The following COL3A1 variants were observed in gnomAD, a reference collection of about 807,000 sequenced individuals.
The protein encoded by COL3A1 is collagen alpha-1(III) chain.
In COL3A1, 46 loss-of-function variants were observed where a neutral mutation model predicts 200.9. That is an observed-to-expected ratio of 0.23 (90% CI 0.18 to 0.29). COL3A1 has a LOEUF of 0.29. Ranked by LOEUF, COL3A1 falls within the 10% of genes least tolerant of loss-of-function variation. The pLI is 1.00. For synonymous variants in COL3A1, 650 were observed against 628.0 expected (o/e 1.03, Z -0.52); for missense variants, 1,367 against 1,917.6 (o/e 0.71, Z 5.36).
At chr2:188,976,158 A>G (rs576506121) in intron 1 of COL3A1, among the ~76,000 whole-genome samples, 9 of 151,796 alleles carry the variant, frequency 5.9e-5, no homozygotes, top group Non-Finnish European at 7.4e-5. Flanking sequence ...TCCCCCACCA[A>G]CCATTTATTG....
rs2153503501 is a variant in COL3A1 at position 189,004,104 on chromosome 2, A to C, written c.2784A>C (p.Gln928His). The change falls in exon 39 of 51, where the codon CAA becomes CAC. Residue 928 changes from glutamine (Q) to histidine (H), a missense_variant. Transcript: ENST00000304636. ...GVSGPKGDAG[Q>H]PGEKGSPGAQ... ...CTGGACCAAAAGGTGATGCTGGCCA[A>C]CCAGGAGAGAAGGGATCGCCTGGTG... 3 of 1,613,876 alleles carry C rather than the reference A, an allele frequency of 1.9e-6. No individual in the cohort carries two copies. Among genetic ancestry groups the C allele is most frequent in the Non-Finnish European group, 1.7e-6 (2 of 1,180,014 alleles).
At chr2:188,982,053 C>CA (rs1553506588) in intron 1 of COL3A1, among the ~76,000 whole-genome samples, 20 of 151,388 alleles carry the variant, frequency 1.3e-4, no homozygotes, top group African/African-American at 4.8e-4. Context: ...TTCCAACTCT[C>CA]TTTTTTTTAC....
Position 189,003,451 on chromosome 2 carries a change from G to A in COL3A1, c.2594G>A (p.Ser865Asn). 3 of 1,613,562 alleles carry A rather than the reference G, an allele frequency of 1.9e-6. No homozygotes were observed. The change falls in exon 37 of 51, where the codon AGT becomes AAT. Residue 865 changes from serine (S) to asparagine (N), a missense_variant. Around this residue, in one of 5 missense-constraint regions of COL3A1, gnomAD observed 846 missense variants for 1,147.9 expected, o/e 0.74. Transcript: ENST00000304636. ...GPQGVKGERGSPGGPGAAGFP... is the reference protein window; with the variant it reads ...GPQGVKGERGNPGGPGAAGFP... ...CAAGGTGTCAAAGGTGAACGTGGCA[G>A]TCCTGGTGGACCTGTAAGTATTGAT...
chr2:189,006,186 C>A lies in COL3A1; in HGVS notation c.3040-20C>A. Reference sequence around the variant, plus strand: ...GGAAGGTTTCAAGAAATTTTATTTCCTTTCTCATTTTTTAATCAGGGAAAC... The same window carrying A: ...GGAAGGTTTCAAGAAATTTTATTTCATTTCTCATTTTTTAATCAGGGAAAC... On this transcript the variant is annotated intron_variant, in intron 41 of 50. Coordinates refer to ENST00000304636, the MANE Select transcript of COL3A1 (RefSeq NM_000090.4). 6.2e-7 allele frequency: 1 copy of A among 1,613,650 alleles called. No individual in the cohort carries two copies. The highest frequency in any genetic ancestry group is 1.3e-5 in the African/African-American group (1 of 74,992).
chr2:188,986,110 C>T (rs1462821276), intron 4 of COL3A1, among the ~76,000 whole-genome samples: 3 of 152,004 alleles, frequency 2.0e-5, no homozygotes, highest in Non-Finnish European at 2.9e-5. Flanking sequence ...TTAGTTAGTA[C>T]TGTATCCATA....
At chr2:188,993,938 A>C (rs751552886) in intron 16 of COL3A1, 100 bp from the exon 17 acceptor site, 2 of 1,115,722 alleles carry the variant, frequency 1.8e-6, no homozygotes, top group East Asian at 2.5e-5. Context: ...TCTACAAAGC[A>C]TAACACTCAT....
intron 1 of COL3A1, 54 bp from the exon 2 acceptor site, chr2:188,984,706 A>T: frequency 6.5e-7 from 1 of 1,540,756 alleles, no homozygotes; most frequent in Non-Finnish European, 9.0e-7. Flanking sequence ...AGTAACAAAA[A>T]TCACCTTTCA....
rs754100401 is a variant in COL3A1, at chr2:189,007,990, T to C, written c.3418-45T>C. On this transcript the variant is annotated intron_variant, in intron 46 of 50. Transcript: ENST00000304636. Reference sequence around the variant, plus strand: ...GTCCACATGTTTCAGATGTCTGCATTTCAGAAAGATATTCTGGCATTGTGA... The same window carrying C: ...GTCCACATGTTTCAGATGTCTGCATCTCAGAAAGATATTCTGGCATTGTGA... 34 of 1,613,918 alleles carry C rather than the reference T, an allele frequency of 2.1e-5. 1 individual carries two copies. The South Asian group carries it at 3.6e-4, about 17-fold the overall frequency.
At position 189,007,010 on chromosome 2, in the gene COL3A1, G is replaced by T. The variant is rs751895338; in HGVS notation, c.3255+20G>T. The T allele has an allele frequency of 6.9e-6, 11 of 1,598,592 alleles. No homozygotes were observed. In the South Asian group the frequency reaches 1.1e-4, roughly 16 times the overall value. ...GCTCCTGTAAGTTTTGTCATTTTTTGGTTTTATTTTGTTTTGTTCTTTTTT... is the reference window on the plus strand; with the variant it reads ...GCTCCTGTAAGTTTTGTCATTTTTTTGTTTTATTTTGTTTTGTTCTTTTTT... On this transcript the variant is annotated intron_variant, in intron 44 of 50. Transcript: ENST00000304636.
intron 1 of COL3A1, among the ~76,000 whole-genome samples, chr2:188,976,652 G>C (rs1006960248): frequency 6.6e-6 from 1 of 152,140 alleles, no homozygotes; most frequent in East Asian, 1.9e-4. Context: ...CTTCAGAGAC[G>C]GCACAGCTCT....
At chr2:188,990,453 T>C in intron 10 of COL3A1, 93 bp downstream of exon 10, 1 of 973,816 alleles carries the variant, frequency 1.0e-6, no homozygotes, top group South Asian at 1.4e-5. Context: ...TGCCAAAAAA[T>C]ATGATTCTGA....
In COL3A1 at chr2:188,985,763, C is replaced by T. The variant is rs539430522; in HGVS notation, c.432C>T (p.Cys144=). 5.5e-5 allele frequency: 89 copies of T among 1,609,970 alleles called. No homozygotes were observed. The highest frequency in any genetic ancestry group is 2.2e-4 in the Admixed American group (13 of 59,802). Residue 144 remains cysteine, a synonymous_variant, in exon 4 of 51, where the codon TGC becomes TGT. Coordinates refer to ENST00000304636, the MANE Select transcript of COL3A1 (RefSeq NM_000090.4). ...SPGPPGICES[C]PTGPQNYSPQ... ...GCCCCCCTGGAATCTGTGAATCATGCCCTACTGGTCCTCAGGTATAACAAT... is the reference window on the plus strand; with the variant it reads ...GCCCCCCTGGAATCTGTGAATCATGTCCTACTGGTCCTCAGGTATAACAAT...
chr2:189,011,625 C>T lies in COL3A1; in HGVS notation c.4255-3C>T, dbSNP rs1241885878. ...ATCATGTACATTTTGTCCTTTTTTA[C>T]AGAAACACACTGGGGAATGGAGCAA... On this transcript the variant is annotated splice_polypyrimidine_tract_variant and splice_region_variant and intron_variant, in intron 50 of 50. Transcript: ENST00000304636. 1 of 1,613,758 alleles carries T rather than the reference C, an allele frequency of 6.2e-7. No homozygotes were observed. The highest frequency in any genetic ancestry group is 1.3e-5 in the African/African-American group (1 of 74,906).
chr2:188,998,279 C>T lies in COL3A1; in HGVS notation c.1937C>T (p.Thr646Ile). 1.9e-6 allele frequency: 3 copies of T among 1,613,702 alleles called. No individual in the cohort carries two copies. The highest frequency in any genetic ancestry group is 2.5e-6 in the Non-Finnish European group (3 of 1,179,750). The change falls in exon 28 of 51, where the codon ACA (threonine) becomes ATA (isoleucine). Residue 646 changes from threonine (T) to isoleucine (I), a missense_variant. Coordinates refer to ENST00000304636, the MANE Select transcript of COL3A1 (RefSeq NM_000090.4). ...GPQGLQGLPG[T>I]GGPPGENGKP... ...GATTCTTTCTAGGGCTTGCCTGGTA[C>T]AGGTGGTCCTCCAGGAGAAAATGGA...
At chr2:189,007,648 A>G in intron 45 of COL3A1, 41 bp downstream of exon 45, 1 of 1,524,658 alleles carries the variant, frequency 6.6e-7, no homozygotes, top group Non-Finnish European at 9.0e-7. Flanking sequence ...TTCAATGTAT[A>G]CAAATTTTAG....
At chr2:188,982,161 T>C (rs963168270) in intron 1 of COL3A1, among the ~76,000 whole-genome samples, 8 of 151,660 alleles carry the variant, frequency 5.3e-5, no homozygotes, top group African/African-American at 1.9e-4. Context: ...AAGAATATGA[T>C]AATTTTTAAA....
At chr2:188,981,283 T>A (rs951513450) in intron 1 of COL3A1, among the ~76,000 whole-genome samples, 1 of 151,498 alleles carries the variant, frequency 6.6e-6, no homozygotes, top group African/African-American at 2.4e-5. Flanking sequence ...TTAAGACATG[T>A]GTTAGCTTCA....
chr2:188,985,332 T>C, intron 3 of COL3A1, 85 bp downstream of exon 3: 1 of 1,057,280 alleles, frequency 9.5e-7, no homozygotes, highest in East Asian at 2.4e-5. Flanking sequence ...TGAGCTTTCA[T>C]CATACATTCT....
intron 8 of COL3A1, 72 bp downstream of exon 8, chr2:188,989,521 T>C (rs1304997393): frequency 9.2e-6 from 10 of 1,088,614 alleles, no homozygotes; most frequent in Non-Finnish European, 1.4e-5. Context: ...ATATGCTTTA[T>C]GTCAGAATCC....
Sources: gnomAD v4.1 joint callset for allele counts (sites outside exome capture counted in the v4.1 genomes callset) on GRCh38, gnomAD v4.1.1 for gene constraint, gnomAD v4.1.1 regional missense constraint, MANE v1.5 for transcripts, NCBI Gene and HGNC (gene_info 2026-07-23, HGNC 2026-07-21) for gene names.